The following ZBTB7C variants were observed in gnomAD, a reference collection of about 807,000 sequenced individuals.
ZBTB7C encodes the protein zinc finger and BTB domain containing 7C, also known as zinc finger and BTB domain-containing protein 7C.
ZBTB7C carries 8 observed loss-of-function variants against 25.7 expected under a neutral mutation model. The observed-to-expected ratio is 0.31, with a 90% CI of 0.18 to 0.56. The LOEUF (loss-of-function observed/expected upper bound fraction) is 0.56. Ranked by LOEUF, ZBTB7C falls within the 20% of genes least tolerant of loss-of-function variation. The pLI, the probability that ZBTB7C is intolerant of heterozygous loss-of-function variation, is 0.91. For synonymous variants in ZBTB7C, 394 were observed against 369.0 expected, an observed-to-expected ratio of 1.07 and a Z score of -0.78; for missense variants, 824 against 855.2, an observed-to-expected ratio of 0.96 and a Z score of 0.46.
upstream of ZBTB7C, among the ~76,000 whole-genome samples, chr18:48,410,243 C>G (rs1426067534): frequency 2.6e-5 from 4 of 152,136 alleles, no homozygotes; most frequent in Non-Finnish European, 2.9e-5. Flanking sequence ...CCCGGGGCGC[C>G]GAATCTCAGC....
intron 1 of ZBTB7C, among the ~76,000 whole-genome samples, chr18:48,370,536 C>T (rs1162428765): frequency 1.3e-5 from 2 of 152,062 alleles, no homozygotes. Flanking sequence ...TGATATTGTA[C>T]TATAGTTTCA....
chr18:48,242,576 T>C (rs62088927), intron 2 of ZBTB7C, among the ~76,000 whole-genome samples: 7,842 of 152,198 alleles, frequency 0.052, 277 homozygotes, highest in Non-Finnish European at 0.077. Flanking sequence ...ATATACCACA[T>C]AAACAGAATC....
At chr18:48,399,593 T>C (rs530793106) in intron 1 of ZBTB7C, among the ~76,000 whole-genome samples, 1 of 152,278 alleles carries the variant, frequency 6.6e-6, no homozygotes, top group South Asian at 2.1e-4. Context: ...TGGAGGGACC[T>C]GAGAGCAGGA....
chr18:48,329,546 C>A (rs569323548), intron 2 of ZBTB7C, among the ~76,000 whole-genome samples: 1 of 152,324 alleles, frequency 6.6e-6, no homozygotes, highest in East Asian at 1.9e-4. Context: ...ATCTGTCACC[C>A]TCCCAGACCA....
chr18:48,181,436 C>G (rs988825216), intron 3 of ZBTB7C, among the ~76,000 whole-genome samples: 2 of 152,186 alleles, frequency 1.3e-5, no homozygotes, highest in African/African-American at 4.8e-5. Context: ...ATCAAAGGTA[C>G]AGCCACTATC....
chr18:48,358,753 G>A (rs1295600864), intron 1 of ZBTB7C, among the ~76,000 whole-genome samples: 1 of 152,158 alleles, frequency 6.6e-6, no homozygotes, highest in African/African-American at 2.4e-5. Context: ...CTGGAGTGAT[G>A]CAAATGTTTT....
intron 3 of ZBTB7C, among the ~76,000 whole-genome samples, chr18:48,161,659 C>T (rs1192920047): frequency 6.6e-6 from 1 of 151,968 alleles, no homozygotes; most frequent in African/African-American, 2.4e-5. Context: ...CGTGCCTGCC[C>T]GCAGCCCCCT....
At chr18:48,122,766 A>G (rs980777392) in intron 3 of ZBTB7C, among the ~76,000 whole-genome samples, 1 of 152,206 alleles carries the variant, frequency 6.6e-6, no homozygotes, top group African/African-American at 2.4e-5. Flanking sequence ...CATTCAGTCC[A>G]ACCCAGGAGG....
chr18:48,090,699 G>A (rs1336620553), intron 3 of ZBTB7C, among the ~76,000 whole-genome samples: 1 of 148,384 alleles, frequency 6.7e-6, no homozygotes, highest in Non-Finnish European at 1.5e-5. Context: ...AAAGTTGTCC[G>A]GCCAGGCACT....
At chr18:48,075,244 G>A (rs1231419305) in intron 3 of ZBTB7C, among the ~76,000 whole-genome samples, 3 of 152,154 alleles carry the variant, frequency 2.0e-5, no homozygotes, top group African/African-American at 4.8e-5. Flanking sequence ...AGGCATACTG[G>A]CCTCCACTTG....
intron 2 of ZBTB7C, among the ~76,000 whole-genome samples, chr18:48,226,448 C>T (rs560838586): frequency 3.9e-5 from 6 of 152,284 alleles, no homozygotes; most frequent in South Asian, 4.1e-4. Flanking sequence ...GGAGCTGAGG[C>T]CTTTAAACAA....
At chr18:48,046,690 T>C (rs1456171618) in intron 3 of ZBTB7C, among the ~76,000 whole-genome samples, 1 of 152,228 alleles carries the variant, frequency 6.6e-6, no homozygotes, top group East Asian at 1.9e-4. Context: ...CCGAGCACTC[T>C]GAGAAATGGC....
At chr18:48,050,573 C>CCAGGTGTTCCCTTA (rs2036645479) in intron 3 of ZBTB7C, among the ~76,000 whole-genome samples, 1 of 152,212 alleles carries the variant, frequency 6.6e-6, no homozygotes, top group South Asian at 2.1e-4. Flanking sequence ...CAATGGCCAT[C>CCAGGTGTTCCCTTA]CAGGTGTTCC....
intron 2 of ZBTB7C, among the ~76,000 whole-genome samples, chr18:48,305,099 T>C (rs1476359898): frequency 6.6e-6 from 1 of 152,168 alleles, no homozygotes; most frequent in Non-Finnish European, 1.5e-5. Context: ...GCCACTGGAA[T>C]TATAACGAGC....
At chr18:48,279,360 A>T (rs191114539) in intron 2 of ZBTB7C, among the ~76,000 whole-genome samples, 2 of 152,284 alleles carry the variant, frequency 1.3e-5, no homozygotes, top group Admixed American at 1.3e-4. Flanking sequence ...ACATGGCAAA[A>T]AAAAGGGGAG....
intron 2 of ZBTB7C, among the ~76,000 whole-genome samples, chr18:48,189,386 C>T (rs945260729): frequency 7.9e-5 from 12 of 151,630 alleles, no homozygotes; most frequent in Non-Finnish European, 1.8e-4. Flanking sequence ...TTGGAATGTA[C>T]TTTAAGCCTC....
At chr18:48,093,732 A>G (rs2038510181) in intron 3 of ZBTB7C, among the ~76,000 whole-genome samples, 1 of 152,238 alleles carries the variant, frequency 6.6e-6, no homozygotes, top group African/African-American at 2.4e-5. Context: ...CATGCCAGGC[A>G]GCATCTTGGT....
chr18:48,029,441 C>T lies in ZBTB7C; in HGVS notation c.1679G>A (p.Gly560Glu). ...CCTCTCAGCCTCCAGCTGCGCGCGC[C>T]CGAACAGCTTCATCTGTGTCTCCTC... ...QFEETQMKLF[G>E]RAQLEAERNA... The change falls in exon 5 of 5, where the codon GGG (glycine) becomes GAG (glutamate). Residue 560 changes from glycine to glutamate, a missense_variant. This residue lies in a region of ZBTB7C where 342 missense variants were observed against 307.0 expected (regional missense o/e 1.11). Coordinates refer to ENST00000590800, the MANE Select transcript of ZBTB7C (RefSeq NM_001318841.2). The T allele has an allele frequency of 6.3e-7, 1 of 1,594,640 alleles. No individual in the cohort carries two copies. The highest frequency in any genetic ancestry group is 8.5e-7 in the Non-Finnish European group (1 of 1,174,180).
intron 2 of ZBTB7C, among the ~76,000 whole-genome samples, chr18:48,206,654 T>TAAAC (rs750173440): frequency 1.3e-5 from 2 of 152,022 alleles, no homozygotes; most frequent in East Asian, 1.9e-4. Flanking sequence ...AGCAAGATAA[T>TAAAC]AAACAAACAA....
Sources: gnomAD v4.1 joint callset for allele counts (sites outside exome capture counted in the v4.1 genomes callset) on GRCh38, gnomAD v4.1.1 for gene constraint, gnomAD v4.1.1 regional missense constraint, MANE v1.5 for transcripts, NCBI Gene and HGNC (gene_info 2026-07-23, HGNC 2026-07-21) for gene names.